JPH2: variants seen among roughly 807,000 people sequenced by gnomAD.
The protein encoded by JPH2 is junctophilin 2.
JPH2 carries 38 observed loss-of-function variants against 55.9 expected under a neutral mutation model. The ratio of observed to expected loss-of-function variants is 0.68; its 90% CI spans 0.52 to 0.89. The LOEUF is 0.89. Among genes scored for constraint, JPH2 ranks in the 40% least tolerant of loss-of-function variants. The probability of loss-of-function intolerance (pLI) is 0.00; values close to 1 mark genes in which losing one functional copy is unlikely to be tolerated. For missense variants in JPH2, 964 were observed against 1,037.6 expected, an observed-to-expected ratio of 0.93 and a Z score of 0.97; for synonymous variants, 480 against 472.4, an observed-to-expected ratio of 1.02 and a Z score of -0.21.
chr20:44,140,487 A>G (rs940326850), intron 2 of JPH2, among the ~76,000 whole-genome samples: 4 of 152,160 alleles, frequency 2.6e-5, no homozygotes, highest in Non-Finnish European at 4.4e-5. Flanking sequence ...ACTTTGTAGG[A>G]GCACCCCCTT....
rs1384673898 is a variant in JPH2, at chr20:44,107,059, A to G, written c.*6459T>C. Among the ~76,000 whole-genome samples the G allele has an allele frequency of 6.6e-6, 1 of 152,034 alleles. No homozygotes were observed. Among genetic ancestry groups the G allele is most frequent in the African/African-American group, 2.4e-5 (1 of 41,384 alleles). On this transcript the variant is annotated 3_prime_UTR_variant, in exon 6 of 6. Coordinates refer to ENST00000372980, the MANE Select transcript of JPH2 (RefSeq NM_020433.5). ...TTCCTCCTTCCTTTCACAGGTTTTG[A>G]TCCCTAATAAACATCTTGCAGCTTA...
At chr20:44,119,656 G>A (rs1468910283) in intron 2 of JPH2, among the ~76,000 whole-genome samples, 2 of 152,108 alleles carry the variant, frequency 1.3e-5, no homozygotes, top group Non-Finnish European at 2.9e-5. Flanking sequence ...GGCGGATCAC[G>A]AGGTCAGGAG....
chr20:44,183,134 A>G (rs945313102), intron 1 of JPH2, among the ~76,000 whole-genome samples: 5 of 152,292 alleles, frequency 3.3e-5, no homozygotes, highest in African/African-American at 7.2e-5. Context: ...GGGAACAGAC[A>G]TTCTACGCAT....
At chr20:44,148,535 T>TGC (rs1398996111) in intron 2 of JPH2, among the ~76,000 whole-genome samples, 6 of 152,236 alleles carry the variant, frequency 3.9e-5, no homozygotes, top group African/African-American at 1.4e-4. Flanking sequence ...TCTTCGTTTC[T>TGC]TTCCCACCTG....
At chr20:44,145,448 A>C (rs1343601736) in intron 2 of JPH2, among the ~76,000 whole-genome samples, 2 of 152,112 alleles carry the variant, frequency 1.3e-5, no homozygotes, top group Admixed American at 6.5e-5. Flanking sequence ...TCTACGAAAA[A>C]TACAAAAGTT....
chr20:44,131,502 G>A (rs888819575), intron 2 of JPH2, among the ~76,000 whole-genome samples: 3 of 152,098 alleles, frequency 2.0e-5, no homozygotes, highest in Non-Finnish European at 2.9e-5. Context: ...TTTGTTATGC[G>A]GTGATGGGTA....
At chr20:44,143,660 A>G (rs1249042906) in intron 2 of JPH2, among the ~76,000 whole-genome samples, 1 of 152,152 alleles carries the variant, frequency 6.6e-6, no homozygotes, top group African/African-American at 2.4e-5. Flanking sequence ...CCCTCCTGGC[A>G]TCACCTACCA....
At position 44,134,110 on chromosome 20, in the gene JPH2, TATAA is replaced by T. The variant is rs1269349730; in HGVS notation, c.1170-15491_1170-15488del. ...TATAAATATATATTTATTATAAATA[TATAA>T]ATAAATATTTATTATAAATATATAA... On this transcript the variant is annotated intron_variant, in intron 2 of 5. Coordinates refer to ENST00000372980, the MANE Select transcript of JPH2 (RefSeq NM_020433.5). Among the ~76,000 whole-genome samples, 16 of 22,904 alleles carry T rather than the reference TATAA, an allele frequency of 7.0e-4. 4 individuals are homozygous for T. The highest frequency in any genetic ancestry group is 3.0e-3 in the Admixed American group (3 of 990). The allele number at this position is 22,904 out of a possible 152,430, so 15.0% of individuals were successfully genotyped here. A position where few individuals can be genotyped will look rare whatever the true frequency, so the allele number is the denominator to read the frequency against.
Position 44,159,614 on chromosome 20 carries a change from C to T in JPH2, c.1169+4G>A, listed in dbSNP as rs990828273. The T allele has an allele frequency of 6.2e-7, 1 of 1,600,026 alleles. No individual in the cohort carries two copies. Among genetic ancestry groups the T allele is most frequent in the Non-Finnish European group, 8.5e-7 (1 of 1,179,040 alleles). On this transcript the variant is annotated splice_donor_region_variant and intron_variant, in intron 2 of 5. Coordinates refer to ENST00000372980, the MANE Select transcript of JPH2 (RefSeq NM_020433.5). The surrounding 1 kb of genome is among the most constrained non-coding windows in gnomAD (Gnocchi z 5.7). The stretch of plus-strand genomic sequence containing the variant: ...ACCCCTTCCCACCCCCACCGCTGTC[C>T]TACCTGGAGGCGGCAATCTCGGCCT...
Position 44,107,938 on chromosome 20 carries a change from C to T in JPH2, c.*5580G>A, listed in dbSNP as rs749324000. 3.2e-4 allele frequency among the ~76,000 whole-genome samples: 49 copies of T among 152,230 alleles called. No individual in the cohort carries two copies. The highest frequency in any genetic ancestry group is 5.9e-4 in the Non-Finnish European group (40 of 68,040). The stretch of plus-strand genomic sequence containing the variant: ...GGTGGGCTCCTGGGACCACAACTCA[C>T]AGCTTATGCTAACCAGATGGCTTAT... On this transcript the variant is annotated 3_prime_UTR_variant, in exon 6 of 6. Coordinates refer to ENST00000372980, the MANE Select transcript of JPH2 (RefSeq NM_020433.5).
chr20:44,128,845 C>G (rs2145848555), intron 2 of JPH2, among the ~76,000 whole-genome samples: 1 of 152,222 alleles, frequency 6.6e-6, no homozygotes, highest in African/African-American at 2.4e-5. Flanking sequence ...TGTCACAGTA[C>G]CCGGTTAACA....
At position 44,164,671 on chromosome 20, in the gene JPH2, AAAACAAACAAACAAACAAAC is replaced by A. The variant is rs34787127; in HGVS notation, c.380-4284_380-4265del. ...GACTCCAGTTACATGAAAGCCTCAA[AAAACAAACAAACAAACAAAC>A]AAACAAACAAACAAACAAACAAACA... On this transcript the variant is annotated intron_variant, in intron 1 of 5. Transcript: ENST00000372980. 1.5e-3 allele frequency among the ~76,000 whole-genome samples: 225 copies of A among 149,570 alleles called. 1 individual carries two copies. Among genetic ancestry groups the A allele is most frequent in the African/African-American group, 4.2e-3 (169 of 40,374 alleles).
Position 44,177,958 on chromosome 20 carries a change from G to A in JPH2, c.379+8369C>T, listed in dbSNP as rs760461980. 2.3e-5 allele frequency: 27 copies of A among 1,188,004 alleles called. No individual in the cohort carries two copies. The Admixed American group carries it at 3.9e-4, about 17-fold the overall frequency. 73.6% of individuals were successfully genotyped at this position (1,188,004 alleles called of 1,614,324 possible). ...ATTGTCTCGACCATATTCTGAGGGC[G>A]ATTTTAACACATCCCTAAAGGAAAA... On this transcript the variant is annotated intron_variant, in intron 1 of 5. Transcript: ENST00000372980.
chr20:44,139,576 A>G (rs1177922042), intron 2 of JPH2, among the ~76,000 whole-genome samples: 3 of 152,212 alleles, frequency 2.0e-5, no homozygotes, highest in African/African-American at 7.2e-5. Context: ...AAGATTCCAA[A>G]CAGTATGTAT....
chr20:44,118,005 C>A (rs2072206617), intron 3 of JPH2, among the ~76,000 whole-genome samples: 1 of 152,216 alleles, frequency 6.6e-6, no homozygotes, highest in Non-Finnish European at 1.5e-5. Context: ...AGCTGGGAAG[C>A]AGCGGAATCA....
intron 1 of JPH2, chr20:44,176,907 C>T: frequency 4.1e-6 from 4 of 985,264 alleles, no homozygotes; most frequent in Non-Finnish European, 4.8e-6. Flanking sequence ...CTGCATGCAG[C>T]TGTCCAGCCT....
chr20:44,140,494 C>G (rs1041696618), intron 2 of JPH2, among the ~76,000 whole-genome samples: 2 of 152,244 alleles, frequency 1.3e-5, no homozygotes, highest in South Asian at 4.1e-4. Flanking sequence ...AGGAGCACCC[C>G]CTTGCCAGAC....
At chr20:44,179,024 A>G (rs1378795283) in intron 1 of JPH2, among the ~76,000 whole-genome samples, 1 of 152,210 alleles carries the variant, frequency 6.6e-6, no homozygotes, top group Non-Finnish European at 1.5e-5. Flanking sequence ...CAGAAGAAAG[A>G]AAACTGGATC....
In JPH2 at chr20:44,114,887, T is replaced by C; in HGVS notation, c.2011-11A>G. The C allele has an allele frequency of 1.3e-6, 2 of 1,593,180 alleles. No homozygotes were observed. Among genetic ancestry groups the C allele is most frequent in the Middle Eastern group, 3.3e-4 (2 of 6,022 alleles). On this transcript the variant is annotated splice_polypyrimidine_tract_variant and intron_variant, in intron 4 of 5. Coordinates refer to ENST00000372980, the MANE Select transcript of JPH2 (RefSeq NM_020433.5). ...GATGGTGTTGGGGACCTGGGAGCAG[T>C]GGAGAGAGGCTTCCTGAGTCCCCAT...
Sources: gnomAD v4.1 joint callset for allele counts (sites outside exome capture counted in the v4.1 genomes callset) on GRCh38, gnomAD v4.1.1 for gene constraint, Gnocchi (gnomAD v3.1) non-coding constraint, MANE v1.5 for transcripts, NCBI Gene and HGNC (gene_info 2026-07-23, HGNC 2026-07-21) for gene names.